Variants in PCCA observed in about 807,000 individuals in gnomAD.
PCCA encodes propionyl-CoA carboxylase alpha chain, mitochondrial.
In PCCA, 74 loss-of-function variants were observed where a neutral mutation model predicts 101.3. That is an observed-to-expected ratio of 0.73 (90% CI 0.61 to 0.89). The LOEUF is 0.89. PCCA is among the 40% of genes least tolerant of loss of function. The pLI is 0.00. For synonymous variants in PCCA, 294 were observed against 313.6 expected (o/e 0.94, Z 0.66); for missense variants, 891 against 907.0 (o/e 0.98, Z 0.23).
intron 4 of PCCA, among the ~76,000 whole-genome samples, chr13:100,114,285 A>G (rs938646609): frequency 5.7e-4 from 87 of 152,202 alleles, no homozygotes; most frequent in Non-Finnish European, 3.1e-4. Flanking sequence ...TGATTAAAAA[A>G]TGGGCAAAAT....
intron 6 of PCCA, among the ~76,000 whole-genome samples, chr13:100,199,176 G>A (rs1235378231): frequency 6.6e-6 from 1 of 151,944 alleles, no homozygotes; most frequent in Non-Finnish European, 1.5e-5. Context: ...CATGAAATAG[G>A]TCCAGACGCA....
intron 6 of PCCA, among the ~76,000 whole-genome samples, chr13:100,170,610 A>G (rs1244569344): frequency 6.6e-6 from 1 of 152,166 alleles, no homozygotes; most frequent in Non-Finnish European, 1.5e-5. Context: ...TGTCTGTACC[A>G]CTACGTGTGT....
intron 6 of PCCA, chr13:100,161,615 G>T (rs2152395632): frequency 6.6e-6 from 1 of 152,062 alleles, no homozygotes. Context: ...AAATAAAGTG[G>T]ATTAAAAATG....
At chr13:100,157,462 A>T (rs1363993864) in intron 6 of PCCA, 122 bp downstream of exon 6, 1 of 704,904 alleles carries the variant, frequency 1.4e-6, no homozygotes, top group Admixed American at 2.3e-5. Context: ...AGTTCTTTGA[A>T]AATTGTGACA....
rs528885006 is a variant in PCCA at position 100,363,644 on chromosome 13, G to A, written c.1644-4828G>A. Among the ~76,000 whole-genome samples the A allele has an allele frequency of 3.3e-5, 5 of 152,252 alleles. No individual in the cohort carries two copies. The South Asian group carries it at 1.0e-3, about 32-fold the overall frequency. Reference sequence around the variant, plus strand: ...ATTTTACAGCCCACCCACTGTGAAAGTTATGATGAAGCATTTCTTAATGAT... The same window carrying A: ...ATTTTACAGCCCACCCACTGTGAAAATTATGATGAAGCATTTCTTAATGAT... On this transcript the variant is annotated intron_variant, in intron 18 of 23. Transcript: ENST00000376285.
At chr13:100,408,353 A>G (rs1030954480) in intron 19 of PCCA, among the ~76,000 whole-genome samples, 2 of 152,214 alleles carry the variant, frequency 1.3e-5, no homozygotes, top group African/African-American at 2.4e-5. Context: ...TCTGACCTGC[A>G]TTGTTTAGTC....
intron 18 of PCCA, among the ~76,000 whole-genome samples, chr13:100,351,190 C>G (rs1279116949): frequency 1.3e-5 from 2 of 152,014 alleles, no homozygotes; most frequent in African/African-American, 4.8e-5. Context: ...GATTAATTTC[C>G]ATAATACAAA....
chr13:100,449,230 A>T, intron 20 of PCCA, 22 bp from the exon 21 acceptor site: 1 of 1,500,256 alleles, frequency 6.7e-7, no homozygotes. Context: ...AGTTCATTTT[A>T]TATCTCTTGT....
At chr13:100,166,242 G>T (rs1191029829) in intron 6 of PCCA, among the ~76,000 whole-genome samples, 2 of 150,566 alleles carry the variant, frequency 1.3e-5, no homozygotes, top group Admixed American at 6.6e-5. Context: ...CTGTTTTTTG[G>T]ATTTTTTTTT....
In PCCA at chr13:100,247,069, C is replaced by T. The variant is rs571855991; in HGVS notation, c.638-10526C>T. Among the ~76,000 whole-genome samples the T allele has an allele frequency of 2.6e-5, 4 of 151,764 alleles. No individual in the cohort carries two copies. The East Asian group carries it at 7.8e-4, about 30-fold the overall frequency. ...GATTACAGGCACCCACCACCATGCC[C>T]GACCAAGTTTTATAGTTTAGTAGAG... On this transcript the variant is annotated intron_variant, in intron 8 of 23. Coordinates refer to ENST00000376285, the MANE Select transcript of PCCA (RefSeq NM_000282.4).
intron 4 of PCCA, among the ~76,000 whole-genome samples, chr13:100,121,476 T>C (rs1192746971): frequency 2.0e-5 from 3 of 150,112 alleles, no homozygotes; most frequent in Non-Finnish European, 4.4e-5. Context: ...ATTCTTTTTT[T>C]TTTTTTTTTC....
At chr13:100,513,108 G>A (rs1594090340) in intron 21 of PCCA, among the ~76,000 whole-genome samples, 3 of 152,342 alleles carry the variant, frequency 2.0e-5, no homozygotes, top group East Asian at 1.9e-4. Context: ...ATCCCGGCAC[G>A]CGCCCCGTGC....
At position 100,394,169 on chromosome 13, in the gene PCCA, A is replaced by C. The variant is rs2076943580; in HGVS notation, c.1746+25595A>C. ...TGCAGCTTCTCAGATGGATTTAATT[A>C]GTCCTTCGTAGAACTGGATGTCCGT... On this transcript the variant is annotated intron_variant, in intron 19 of 23. Transcript: ENST00000376285. The surrounding 1 kb of genome is among the most constrained non-coding windows in gnomAD (Gnocchi z 4.3). Among the ~76,000 whole-genome samples the C allele has an allele frequency of 6.6e-6, 1 of 152,214 alleles. No individual in the cohort carries two copies. The highest frequency in any genetic ancestry group is 2.4e-5 in the African/African-American group (1 of 41,456).
intron 22 of PCCA, chr13:100,527,252 C>A (rs770264278): frequency 2.1e-6 from 1 of 470,886 alleles, no homozygotes; most frequent in African/African-American, 2.0e-5. Flanking sequence ...TCAAAAGAAA[C>A]CCTGTACCCT....
intron 21 of PCCA, among the ~76,000 whole-genome samples, chr13:100,482,795 C>G (rs183118508): frequency 0.02 from 2,997 of 152,080 alleles, 39 homozygotes; most frequent in Non-Finnish European, 0.028. Flanking sequence ...TCGGGGCGGG[C>G]GGATCATTTG....
At chr13:100,257,474 A>C (rs2152558084) in intron 8 of PCCA, 121 bp from the exon 9 acceptor site, 1 of 768,508 alleles carries the variant, frequency 1.3e-6, no homozygotes, top group Non-Finnish European at 2.3e-6. Flanking sequence ...ACTCTAAAGA[A>C]AGGAACTTTT....
chr13:100,304,178 A>G (rs966925699), intron 14 of PCCA, among the ~76,000 whole-genome samples: 2 of 152,234 alleles, frequency 1.3e-5, no homozygotes, highest in African/African-American at 2.4e-5. Context: ...TCTTTCTTCA[A>G]TTAATGCTGC....
chr13:100,399,946 C>A (rs2077237700), intron 19 of PCCA, among the ~76,000 whole-genome samples: 1 of 152,162 alleles, frequency 6.6e-6, no homozygotes, highest in African/African-American at 2.4e-5. Flanking sequence ...AGATAACAAT[C>A]ATTAATGAAT....
intron 7 of PCCA, among the ~76,000 whole-genome samples, chr13:100,215,933 G>A (rs1181742656): frequency 1.3e-5 from 2 of 151,940 alleles, no homozygotes; most frequent in African/African-American, 2.4e-5. Flanking sequence ...GCCACTGTGC[G>A]CAGCCCTGCC....
Sources: allele counts gnomAD v4.1 joint callset (sites outside exome capture counted in the v4.1 genomes callset), GRCh38; gene constraint gnomAD v4.1.1; non-coding constraint Gnocchi (gnomAD v3.1); transcripts MANE v1.5; gene names NCBI Gene and HGNC (gene_info 2026-07-23, HGNC 2026-07-21).